The following KCTD8 variants were observed in gnomAD, a reference collection of about 807,000 sequenced individuals.
The protein encoded by KCTD8 is BTB/POZ domain-containing protein KCTD8.
KCTD8 carries 27 observed loss-of-function variants against 31.5 expected under a neutral mutation model. The observed-to-expected ratio is 0.86, with a 90% CI of 0.63 to 1.18. The LOEUF (loss-of-function observed/expected upper bound fraction) is 1.18. KCTD8 is among the 50% of genes most tolerant of loss of function. The pLI, the probability that KCTD8 is intolerant of heterozygous loss-of-function variation, is 0.00. For missense variants in KCTD8, 658 were observed against 647.7 expected (o/e 1.02, Z -0.17); for synonymous variants, 290 against 280.0 (o/e 1.04, Z -0.36).
intron 1 of KCTD8, among the ~76,000 whole-genome samples, chr4:44,212,606 A>G (rs1714522764): frequency 6.6e-6 from 1 of 152,164 alleles, no homozygotes; most frequent in South Asian, 2.1e-4. Context: ...TTCAAGGGTC[A>G]ACTGTATTTC....
chr4:44,290,773 G>GA (rs1717248112), intron 1 of KCTD8, among the ~76,000 whole-genome samples: 1 of 151,944 alleles, frequency 6.6e-6, no homozygotes, highest in South Asian at 2.1e-4. Context: ...AAAAATTAGA[G>GA]ACACATCTTA....
intron 1 of KCTD8, among the ~76,000 whole-genome samples, chr4:44,205,824 T>C (rs951869037): frequency 1.3e-5 from 2 of 152,208 alleles, no homozygotes; most frequent in Admixed American, 6.5e-5. Context: ...GATTTTGTTA[T>C]CACTGTTTGC....
chr4:44,298,928 A>T (rs1717524960), intron 1 of KCTD8, among the ~76,000 whole-genome samples: 1 of 152,232 alleles, frequency 6.6e-6, no homozygotes, highest in Non-Finnish European at 1.5e-5. Context: ...TACAAAGATG[A>T]AAGTAAGACA....
chr4:44,390,669 C>G (rs567774239), intron 1 of KCTD8, among the ~76,000 whole-genome samples: 68 of 151,400 alleles, frequency 4.5e-4, no homozygotes, highest in African/African-American at 1.6e-3. Context: ...TCTAGTTCTG[C>G]GAAGCATAAC....
intron 1 of KCTD8, among the ~76,000 whole-genome samples, chr4:44,210,803 C>G (rs1714465369): frequency 6.6e-6 from 1 of 152,110 alleles, no homozygotes; most frequent in African/African-American, 2.4e-5. Flanking sequence ...CTAAGCAGTT[C>G]TATTACTGGG....
intron 1 of KCTD8, among the ~76,000 whole-genome samples, chr4:44,205,761 T>A (rs901738619): frequency 6.6e-6 from 1 of 152,220 alleles, no homozygotes; most frequent in Non-Finnish European, 1.5e-5. Flanking sequence ...AAATGTCACA[T>A]GTTTTTGTGA....
At chr4:44,439,803 T>C (rs1223372158) in intron 1 of KCTD8, among the ~76,000 whole-genome samples, 1 of 152,068 alleles carries the variant, frequency 6.6e-6, no homozygotes, top group Non-Finnish European at 1.5e-5. Context: ...ACACTACCTA[T>C]GGTATGTTGG....
chr4:44,344,123 C>T (rs1431877583), intron 1 of KCTD8, among the ~76,000 whole-genome samples: 2 of 152,072 alleles, frequency 1.3e-5, no homozygotes, highest in Non-Finnish European at 1.5e-5. Flanking sequence ...TCCCAAAGTA[C>T]TGGGATTACA....
intron 1 of KCTD8, among the ~76,000 whole-genome samples, chr4:44,249,521 T>C (rs1715765122): frequency 6.6e-6 from 1 of 151,830 alleles, no homozygotes; most frequent in African/African-American, 2.4e-5. Flanking sequence ...AATTATTGAA[T>C]TCTGCCATTA....
intron 1 of KCTD8, among the ~76,000 whole-genome samples, chr4:44,252,437 A>G (rs1715869364): frequency 6.6e-6 from 1 of 151,760 alleles, no homozygotes; most frequent in Non-Finnish European, 1.5e-5. Context: ...GAATCTCCAC[A>G]TTGTTTTCCA....
chr4:44,419,397 TTC>T (rs1051590115), intron 1 of KCTD8, among the ~76,000 whole-genome samples: 3 of 152,182 alleles, frequency 2.0e-5, no homozygotes, highest in Admixed American at 6.6e-5. Context: ...GCAGGGGTTT[TTC>T]CCTTCATTAG....
chr4:44,329,483 T>G (rs982904038), intron 1 of KCTD8, among the ~76,000 whole-genome samples: 4 of 152,014 alleles, frequency 2.6e-5, no homozygotes, highest in African/African-American at 9.7e-5. Context: ...TAAGCATTAA[T>G]TTTAGTGACA....
intron 1 of KCTD8, among the ~76,000 whole-genome samples, chr4:44,189,958 C>T (rs1465930278): frequency 2.0e-5 from 3 of 152,116 alleles, no homozygotes; most frequent in East Asian, 1.9e-4. Flanking sequence ...CCTCCCCCAG[C>T]AAACAGTTAT....
chr4:44,355,170 G>A (rs183114111), intron 1 of KCTD8, among the ~76,000 whole-genome samples: 7 of 152,142 alleles, frequency 4.6e-5, no homozygotes, highest in Non-Finnish European at 7.4e-5. Flanking sequence ...TCCCGTATTC[G>A]ACAAAGCATT....
intron 1 of KCTD8, among the ~76,000 whole-genome samples, chr4:44,440,041 C>T (rs1167334033): frequency 6.6e-6 from 1 of 151,910 alleles, no homozygotes; most frequent in Non-Finnish European, 1.5e-5. Flanking sequence ...AAGCAATTCT[C>T]CTGCCTCAGC....
chr4:44,300,331 T>A (rs1717572681), intron 1 of KCTD8, among the ~76,000 whole-genome samples: 1 of 152,024 alleles, frequency 6.6e-6, no homozygotes, highest in African/African-American at 2.4e-5. Context: ...ATTACAATCA[T>A]GCTATCAGAA....
chr4:44,406,155 A>T (rs936282679), intron 1 of KCTD8, among the ~76,000 whole-genome samples: 1 of 152,156 alleles, frequency 6.6e-6, no homozygotes, highest in African/African-American at 2.4e-5. Flanking sequence ...TATGGTGAAT[A>T]TCAATTCTGA....
chr4:44,439,686 C>T (rs998821206), intron 1 of KCTD8, among the ~76,000 whole-genome samples: 4 of 151,990 alleles, frequency 2.6e-5, no homozygotes, highest in African/African-American at 9.7e-5. Flanking sequence ...TTTACAGATA[C>T]CTTATCAGTA....
chr4:44,261,797 T>C (rs529232205), intron 1 of KCTD8, among the ~76,000 whole-genome samples: 1 of 152,156 alleles, frequency 6.6e-6, no homozygotes, highest in South Asian at 2.1e-4. Context: ...TATTTCATTA[T>C]AAGAAAATAG....
Sources: gnomAD v4.1 joint callset for allele counts (sites outside exome capture counted in the v4.1 genomes callset) on GRCh38, gnomAD v4.1.1 for gene constraint, MANE v1.5 for transcripts, NCBI Gene and HGNC (gene_info 2026-07-23, HGNC 2026-07-21) for gene names.